The following MAGI3 variants were observed in gnomAD, a reference collection of about 807,000 sequenced individuals.
MAGI3 encodes the protein membrane associated guanylate kinase, WW and PDZ domain containing 3, also known as membrane-associated guanylate kinase, WW and PDZ domain-containing protein 3.
In MAGI3, 43 loss-of-function variants were observed where a neutral mutation model predicts 121.8. That is an observed-to-expected ratio of 0.35 (90% confidence interval 0.28 to 0.46). The LOEUF is 0.46. Ranked by LOEUF, MAGI3 falls within the 20% of genes least tolerant of loss-of-function variation. The pLI, the probability that MAGI3 is intolerant of heterozygous loss-of-function variation, is 1.00. For missense variants in MAGI3, 1,547 were observed against 1,797.3 expected, an observed-to-expected ratio of 0.86 and a Z score of 2.52; for synonymous variants, 553 against 639.3, an observed-to-expected ratio of 0.86 and a Z score of 2.04.
intron 9 of MAGI3, 135 bp downstream of exon 9, chr1:113,623,129 GT>G: frequency 1.5e-6 from 1 of 648,558 alleles, no homozygotes; most frequent in Non-Finnish European, 2.3e-6. Context: ...TATTAAAATA[GT>G]TTATACTTTA....
intron 6 of MAGI3, among the ~76,000 whole-genome samples, chr1:113,610,040 T>C (rs1650025385): frequency 6.6e-6 from 1 of 152,198 alleles, no homozygotes; most frequent in South Asian, 2.1e-4. Flanking sequence ...GCCTCCTACC[T>C]TTTCAGGGTT....
At chr1:113,423,209 GT>G (rs1459265256) in intron 1 of MAGI3, among the ~76,000 whole-genome samples, 1 of 146,224 alleles carries the variant, frequency 6.8e-6, no homozygotes. Flanking sequence ...AAAGCGCGTA[GT>G]TCCTATCTGC....
intron 2 of MAGI3, 99 bp from the exon 3 acceptor site, chr1:113,580,443 C>A (rs938488737): frequency 9.4e-7 from 1 of 1,065,512 alleles, no homozygotes; most frequent in Admixed American, 2.8e-5. Flanking sequence ...AATGAAACAT[C>A]TCTTATGTGT....
At chr1:113,543,287 T>C (rs1659373829) in intron 1 of MAGI3, among the ~76,000 whole-genome samples, 1 of 152,162 alleles carries the variant, frequency 6.6e-6, no homozygotes, top group Non-Finnish European at 1.5e-5. Flanking sequence ...AAAATGTTAA[T>C]AAATAAAGAA....
intron 2 of MAGI3, among the ~76,000 whole-genome samples, chr1:113,557,601 G>T (rs1249655587): frequency 6.6e-6 from 1 of 152,174 alleles, no homozygotes; most frequent in African/African-American, 2.4e-5. Context: ...CTGAGGGGTG[G>T]GCAAGCTGCC....
At chr1:113,481,178 A>G (rs1342787640) in intron 1 of MAGI3, among the ~76,000 whole-genome samples, 1 of 152,098 alleles carries the variant, frequency 6.6e-6, no homozygotes, top group Admixed American at 6.5e-5. Context: ...ATTTCCTGCC[A>G]TTTAGTAATG....
intron 1 of MAGI3, among the ~76,000 whole-genome samples, chr1:113,510,162 G>A (rs556841352): frequency 6.6e-5 from 10 of 152,072 alleles, no homozygotes; most frequent in Non-Finnish European, 1.3e-4. Flanking sequence ...CATAAAAAAT[G>A]CAATTTTTAA....
chr1:113,628,858 C>A (rs1355915186), intron 9 of MAGI3, among the ~76,000 whole-genome samples: 1 of 152,022 alleles, frequency 6.6e-6, no homozygotes, highest in East Asian at 1.9e-4. Context: ...TTATCTTTGA[C>A]CTTTGGGAGT....
At chr1:113,425,320 T>G (rs1440689268) in intron 1 of MAGI3, among the ~76,000 whole-genome samples, 4 of 135,530 alleles carry the variant, frequency 3.0e-5, no homozygotes, top group Non-Finnish European at 6.2e-5. Context: ...CCTTGCTCTG[T>G]CGCCCAGGCT....
chr1:113,458,539 C>G (rs1394160893), intron 1 of MAGI3, among the ~76,000 whole-genome samples: 1 of 152,136 alleles, frequency 6.6e-6, no homozygotes, highest in East Asian at 1.9e-4. Context: ...GAGACAGTAT[C>G]TCACTCTGTT....
rs1311685905 is a variant in MAGI3 at position 113,642,245 on chromosome 1, C to T, written c.1695C>T (p.Ser565=). The T allele has an allele frequency of 1.9e-6, 3 of 1,613,980 alleles. No homozygotes were observed. Among genetic ancestry groups the T allele is most frequent in the Non-Finnish European group, 2.5e-6 (3 of 1,180,030 alleles). ...GPSDASEQRV[S]MASSGSSQPE... ...CAGATGCAAGTGAGCAGAGAGTATC[C>T]ATGGCATCGTCAGGCAGCTCCCAGC... The change falls in exon 10 of 21, where the codon TCC becomes TCT. Residue 565 remains serine, a synonymous_variant. Transcript: ENST00000307546.
At position 113,641,750 on chromosome 1, in the gene MAGI3, A is replaced by G. The variant is rs535835042; in HGVS notation, c.1361-161A>G. ...ACATACATTTTAGAGAGGAGTTAGAAAAGGGAGAAGGTCTGTGTTAGAAAT... is the reference window on the plus strand; with the variant it reads ...ACATACATTTTAGAGAGGAGTTAGAGAAGGGAGAAGGTCTGTGTTAGAAAT... On this transcript the variant is annotated intron_variant, in intron 9 of 20. Transcript: ENST00000307546. Among the ~76,000 whole-genome samples the G allele has an allele frequency of 8.7e-4, 133 of 152,226 alleles. 1 individual carries two copies. The highest frequency in any genetic ancestry group is 1.6e-3 in the Non-Finnish European group (106 of 67,994).
At chr1:113,515,621 G>A (rs113518760) in intron 1 of MAGI3, among the ~76,000 whole-genome samples, 4 of 152,092 alleles carry the variant, frequency 2.6e-5, no homozygotes, top group South Asian at 2.1e-4. Flanking sequence ...AGAGAGAGAA[G>A]TATTTTGTTC....
chr1:113,398,876 G>C (rs772896294), intron 1 of MAGI3, among the ~76,000 whole-genome samples: 1 of 151,734 alleles, frequency 6.6e-6, no homozygotes. Context: ...CAAGTATCTT[G>C]TGATATATAG....
chr1:113,402,054 A>G (rs1373844227), intron 1 of MAGI3, among the ~76,000 whole-genome samples: 1 of 152,180 alleles, frequency 6.6e-6, no homozygotes, highest in Non-Finnish European at 1.5e-5. Context: ...GCAATGGCAG[A>G]AGTCATAGCA....
At chr1:113,512,032 T>G (rs760492891) in intron 1 of MAGI3, among the ~76,000 whole-genome samples, 1 of 152,204 alleles carries the variant, frequency 6.6e-6, no homozygotes, top group Non-Finnish European at 1.5e-5. Context: ...TAGAGGTCAT[T>G]TAGTTCTTTA....
At chr1:113,659,057 A>G in intron 15 of MAGI3, 23 bp from the exon 16 acceptor site, 2 of 1,560,864 alleles carry the variant, frequency 1.3e-6, no homozygotes, top group East Asian at 2.3e-5. Context: ...TAATTGAAAA[A>G]CCTGGGGTTT....
At chr1:113,672,548 T>G in intron 17 of MAGI3, 67 bp from the exon 18 acceptor site, 4 of 1,506,588 alleles carry the variant, frequency 2.7e-6, no homozygotes, top group Non-Finnish European at 3.6e-6. Flanking sequence ...GAAAAGAAAT[T>G]AATCTGCCTT....
At position 113,458,325 on chromosome 1, in the gene MAGI3, A is replaced by G. The variant is rs142536079; in HGVS notation, c.316+66976A>G. Among the ~76,000 whole-genome samples the G allele has an allele frequency of 4.6e-5, 7 of 152,256 alleles. No homozygotes were observed. The East Asian group carries it at 1.2e-3, about 25-fold the overall frequency. ...GGATGGCCCTAATTTTTTGATCTGA[A>G]TAATAAAGTGTATAATGAATGCTGT... On this transcript the variant is annotated intron_variant, in intron 1 of 20. Coordinates refer to ENST00000307546, the MANE Select transcript of MAGI3 (RefSeq NM_001142782.2).
Sources: allele counts gnomAD v4.1 joint callset (sites outside exome capture counted in the v4.1 genomes callset), GRCh38; gene constraint gnomAD v4.1.1; transcripts MANE v1.5; gene names NCBI Gene and HGNC (gene_info 2026-07-23, HGNC 2026-07-21).